Variants in GLIS1 observed in about 807,000 individuals in gnomAD.
GLIS1 encodes the protein GLIS family zinc finger 1, also known as zinc finger protein GLIS1.
Under a neutral mutation model 63.8 loss-of-function variants are expected in GLIS1, and 24 were observed. The observed-to-expected ratio is 0.38, with a 90% CI of 0.27 to 0.53. The LOEUF is 0.53. Among genes scored for constraint, GLIS1 ranks in the 20% least tolerant of loss-of-function variants. The pLI, the probability that GLIS1 is intolerant of heterozygous loss-of-function variation, is 0.85. For missense variants in GLIS1, 1,036 were observed against 1,074.1 expected, an observed-to-expected ratio of 0.96 and a Z score of 0.50; for synonymous variants, 450 against 482.5, an observed-to-expected ratio of 0.93 and a Z score of 0.88.
rs1455925643 is a variant in GLIS1, at chr1:53,560,382, C to A, written c.1321-30430G>T. 1.3e-5 allele frequency among the ~76,000 whole-genome samples: 2 copies of A among 152,212 alleles called. No individual in the cohort carries two copies. Among genetic ancestry groups the A allele is most frequent in the Non-Finnish European group, 2.9e-5 (2 of 68,030 alleles). ...AACCCAGTAACACCCACCTGGGCCT[C>A]ACGAGTCAGGCAGGAGCTCGCTCCC... On this transcript the variant is annotated intron_variant, in intron 4 of 10. Coordinates refer to ENST00000628545, the MANE Select transcript of GLIS1 (RefSeq NM_001367484.1). This position sits in a 1 kb window ranked among gnomAD's most constrained non-coding sequence, Gnocchi z 4.4.
Position 53,594,201 on chromosome 1 carries a change from A to G in GLIS1, c.1227T>C (p.Ala409=). 2 of 1,614,002 alleles carry G rather than the reference A, an allele frequency of 1.2e-6. No homozygotes were observed. Among genetic ancestry groups the G allele is most frequent in the Non-Finnish European group, 1.7e-6 (2 of 1,179,986 alleles). Residue 409 remains alanine (A), a synonymous_variant, in exon 4 of 11, where the codon GCT becomes GCC. Transcript: ENST00000628545. ...RKGEDFTCFW[A]GCVRRYKPFN... is the part of the protein sequence containing the mutation. ...AGGGCTTGTAGCGGCGCACGCAGCC[A>G]GCCCAGAAGCAGGTGAAGTCCTCGC...
chr1:53,546,258 G>A (rs954916141), intron 4 of GLIS1, among the ~76,000 whole-genome samples: 6 of 152,246 alleles, frequency 3.9e-5, no homozygotes, highest in African/African-American at 1.4e-4. Flanking sequence ...AGGAGCCAGA[G>A]GCAAGCCCAC....
chr1:53,681,133 A>G (rs1488830384), intron 2 of GLIS1, among the ~76,000 whole-genome samples: 1 of 152,216 alleles, frequency 6.6e-6, no homozygotes, highest in Non-Finnish European at 1.5e-5. Flanking sequence ...TAAGTTAAAG[A>G]GGAAAACTCC....
intron 2 of GLIS1, among the ~76,000 whole-genome samples, chr1:53,664,701 T>A (rs1646068838): frequency 6.6e-6 from 1 of 152,134 alleles, no homozygotes; most frequent in African/African-American, 2.4e-5. Flanking sequence ...GTTGGTGGTA[T>A]GTGCAGTGGA....
intron 2 of GLIS1, among the ~76,000 whole-genome samples, chr1:53,626,456 C>T (rs1645595016): frequency 6.6e-6 from 1 of 152,238 alleles, no homozygotes; most frequent in Non-Finnish European, 1.5e-5. Context: ...CCCCAGCCTG[C>T]ATCCAGGGGA....
In GLIS1 at chr1:53,520,762, T is replaced by A. The variant is rs1163191096; in HGVS notation, c.1598A>T (p.His533Leu). The change falls in exon 7 of 11, where the codon CAT (histidine) becomes CTT (leucine). Residue 533 changes from histidine (H) to leucine (L), a missense_variant. By Grantham distance (99) the His-to-Leu change is moderately conservative (BLOSUM62 -3). Coordinates refer to ENST00000628545, the MANE Select transcript of GLIS1 (RefSeq NM_001367484.1). ...GTCGGCCTCGGTGTCAGGGCCCGCA[T>A]GCAGCTGGGGAGCAAGCAGAGGGAA... ...AKEQQVRKKL[H>L]AGPDTEADVL... 6.2e-7 allele frequency: 1 copy of A among 1,604,982 alleles called. No individual in the cohort carries two copies. Among genetic ancestry groups the A allele is most frequent in the Non-Finnish European group, 8.5e-7 (1 of 1,175,666 alleles).
intron 2 of GLIS1, among the ~76,000 whole-genome samples, chr1:53,700,520 G>C (rs1646512416): frequency 6.6e-6 from 1 of 152,172 alleles, no homozygotes; most frequent in Non-Finnish European, 1.5e-5. Context: ...CATGGCCTCT[G>C]CTCGTGTAAA....
At chr1:53,618,585 C>CCTGTAGCTGTGCACAGGG (rs1553129800) in intron 2 of GLIS1, among the ~76,000 whole-genome samples, 1 of 152,208 alleles carries the variant, frequency 6.6e-6, no homozygotes, top group East Asian at 1.9e-4. Context: ...CCTGGCCCTG[C>CCTGTAGCTGTGCACAGGG]CTGTAGCTGT....
chr1:53,597,239 G>A (rs1021705991), intron 3 of GLIS1, among the ~76,000 whole-genome samples: 1 of 148,836 alleles, frequency 6.7e-6, no homozygotes, highest in Non-Finnish European at 1.5e-5. Context: ...CGGGTGTGGT[G>A]GCGGGCGCCT....
At chr1:53,728,585 A>C (rs538362941) in intron 2 of GLIS1, among the ~76,000 whole-genome samples, 161 of 152,306 alleles carry the variant, frequency 1.1e-3, no homozygotes, top group Non-Finnish European at 1.7e-3. Flanking sequence ...TCAGCACCCT[A>C]TACATTTCTT....
chr1:53,695,589 G>A (rs554717802), intron 2 of GLIS1, among the ~76,000 whole-genome samples: 3 of 152,274 alleles, frequency 2.0e-5, no homozygotes, highest in South Asian at 2.1e-4. Flanking sequence ...GGCTCAGCCC[G>A]ACCCTGGGCC....
At chr1:53,713,705 T>G (rs1378676118) in intron 2 of GLIS1, among the ~76,000 whole-genome samples, 1 of 152,136 alleles carries the variant, frequency 6.6e-6, no homozygotes, top group Non-Finnish European at 1.5e-5. Flanking sequence ...GAGGCTGCAG[T>G]GAGCTGTGAT....
chr1:53,683,376 T>G (rs1251066134), intron 2 of GLIS1, among the ~76,000 whole-genome samples: 2 of 152,114 alleles, frequency 1.3e-5, no homozygotes, highest in Non-Finnish European at 2.9e-5. Flanking sequence ...TCCTAACTTG[T>G]GGAGCACAAT....
At chr1:53,603,450 T>C (rs759369507) in intron 2 of GLIS1, among the ~76,000 whole-genome samples, 7 of 152,176 alleles carry the variant, frequency 4.6e-5, no homozygotes, top group African/African-American at 1.4e-4. Flanking sequence ...AACCCAACAC[T>C]GCAAACACGT....
chr1:53,696,561 C>A (rs996062251), intron 2 of GLIS1, among the ~76,000 whole-genome samples: 1 of 152,204 alleles, frequency 6.6e-6, no homozygotes, highest in Non-Finnish European at 1.5e-5. Context: ...TAAAAACTCT[C>A]CATGGCCCCC....
chr1:53,513,168 T>C (rs1644315504), intron 8 of GLIS1, among the ~76,000 whole-genome samples: 1 of 151,878 alleles, frequency 6.6e-6, no homozygotes. Context: ...TGAGGCCTCC[T>C]CCTCTCCCTG....
chr1:53,613,087 G>A (rs1160653664), intron 2 of GLIS1, among the ~76,000 whole-genome samples: 1 of 152,164 alleles, frequency 6.6e-6, no homozygotes, highest in African/African-American at 2.4e-5. Flanking sequence ...CCAAAGTGCT[G>A]GGATTACAGG....
At chr1:53,509,446 G>A (rs568620769) in intron 9 of GLIS1, among the ~76,000 whole-genome samples, 159 bp from the exon 10 acceptor site, 68 of 152,236 alleles carry the variant, frequency 4.5e-4, no homozygotes, top group African/African-American at 1.6e-3. Flanking sequence ...GGTGCAGGAG[G>A]CTGGGGCCCC....
At chr1:53,710,928 G>C (rs1470334103) in intron 2 of GLIS1, among the ~76,000 whole-genome samples, 1 of 151,656 alleles carries the variant, frequency 6.6e-6, no homozygotes, top group Non-Finnish European at 1.5e-5. Context: ...GATGGTGGCC[G>C]AGCTGGAGGG....
Sources: allele counts gnomAD v4.1 joint callset (sites outside exome capture counted in the v4.1 genomes callset), GRCh38; gene constraint gnomAD v4.1.1; non-coding constraint Gnocchi (gnomAD v3.1); transcripts MANE v1.5; gene names NCBI Gene and HGNC (gene_info 2026-07-23, HGNC 2026-07-21).